AOPEP: variants seen among roughly 807,000 people sequenced by gnomAD.
AOPEP encodes aminopeptidase O.
Under a neutral mutation model 98.1 loss-of-function variants are expected in AOPEP, and 77 were observed. The observed-to-expected ratio is 0.78, with a 90% CI of 0.65 to 0.95. AOPEP has a LOEUF of 0.95. AOPEP is among the 40% of genes least tolerant of loss of function. The pLI, the probability that AOPEP is intolerant of heterozygous loss-of-function variation, is 0.00. For missense variants in AOPEP, 1,024 were observed against 1,024.7 expected, an observed-to-expected ratio of 1.00 and a Z score of 0.01; for synonymous variants, 346 against 365.3, an observed-to-expected ratio of 0.95 and a Z score of 0.60.
intron 10 of AOPEP, among the ~76,000 whole-genome samples, chr9:94,973,483 A>G (rs971616856): frequency 3.3e-5 from 5 of 152,248 alleles, no homozygotes; most frequent in Non-Finnish European, 5.9e-5. Context: ...AACCAGTATC[A>G]TGCCAGGTGG....
the AOPEP span, among the ~76,000 whole-genome samples, chr9:95,104,870 C>T: frequency 6.6e-6 from 1 of 152,156 alleles, no homozygotes. Flanking sequence ...CCCTCCCCAG[C>T]CCCCCATAAG....
intron 5 of AOPEP, among the ~76,000 whole-genome samples, chr9:94,871,571 C>T (rs1304858721): frequency 6.6e-6 from 1 of 152,104 alleles, no homozygotes; most frequent in Non-Finnish European, 1.5e-5. Context: ...GTCAGATTGG[C>T]ATTCCAGCAC....
At chr9:94,734,998 A>G (rs1831396058) in intron 1 of AOPEP, among the ~76,000 whole-genome samples, 1 of 152,194 alleles carries the variant, frequency 6.6e-6, no homozygotes. Flanking sequence ...ATAATACAAG[A>G]GAGCTTTTCA....
chr9:94,748,280 G>A (rs1834965237), intron 1 of AOPEP, among the ~76,000 whole-genome samples: 2 of 152,096 alleles, frequency 1.3e-5, no homozygotes, highest in Non-Finnish European at 2.9e-5. Context: ...ATGTCATTTT[G>A]TAATGGCTAC....
chr9:94,917,154 G>A (rs2052949928), intron 5 of AOPEP, among the ~76,000 whole-genome samples: 1 of 152,192 alleles, frequency 6.6e-6, no homozygotes, highest in Admixed American at 6.5e-5. Context: ...TCCGTATGCA[G>A]GGCTGAGGTC....
chr9:94,853,767 A>G (rs1201967155), intron 5 of AOPEP, among the ~76,000 whole-genome samples: 1 of 152,224 alleles, frequency 6.6e-6, no homozygotes, highest in Admixed American at 6.5e-5. Flanking sequence ...GCTTAGTAAG[A>G]TTAGCTTTGA....
intron 6 of AOPEP, among the ~76,000 whole-genome samples, chr9:94,926,890 C>CA (rs2054431670): frequency 1.3e-5 from 2 of 152,202 alleles, no homozygotes; most frequent in African/African-American, 4.8e-5. Flanking sequence ...ATTTGTGAAT[C>CA]AAGTCAGTCG....
chr9:95,026,809 C>T (rs560114855), intron 13 of AOPEP, among the ~76,000 whole-genome samples: 1 of 152,308 alleles, frequency 6.6e-6, no homozygotes, highest in Non-Finnish European at 1.5e-5. Context: ...TACCTTCCCA[C>T]CAGTGATGAA....
At chr9:95,083,973 A>C (rs3802449) in intron 16 of AOPEP, among the ~76,000 whole-genome samples, 1 of 152,106 alleles carries the variant, frequency 6.6e-6, no homozygotes, top group Non-Finnish European at 1.5e-5. Flanking sequence ...TATTAAAGCA[A>C]CCTAGCGGTA....
At chr9:94,792,081 C>T (rs538290506) in intron 3 of AOPEP, among the ~76,000 whole-genome samples, 1 of 152,350 alleles carries the variant, frequency 6.6e-6, no homozygotes, top group South Asian at 2.1e-4. Flanking sequence ...GGAGCCCCAG[C>T]TCTAATCCTG....
intron 13 of AOPEP, among the ~76,000 whole-genome samples, chr9:95,046,598 C>T (rs2065886676): frequency 6.6e-6 from 1 of 152,114 alleles, no homozygotes; most frequent in African/African-American, 2.4e-5. Context: ...GTGTGCTGTA[C>T]ACGAAGAGAT....
At chr9:94,856,377 C>T (rs1290117807) in intron 5 of AOPEP, among the ~76,000 whole-genome samples, 3 of 152,124 alleles carry the variant, frequency 2.0e-5, no homozygotes, top group Admixed American at 2.0e-4. Context: ...TGCGGTGGCT[C>T]ACGCCTGTAA....
rs1350767504 is a variant in AOPEP, at chr9:94,800,861, T to C, written c.1223T>C (p.Leu408Pro). The change falls in exon 5 of 17, where the codon CTC becomes CCC. Residue 408 changes from leucine to proline, a missense_variant. Transcript: ENST00000375315. ...IPHRVFAPVC[L>P]TGACQETLLR... ...CATCGGGTCTTTGCCCCTGTGTGCCTCACGGGTGCCTGCCAAGAGACCCTT... is the reference window on the plus strand; with the variant it reads ...CATCGGGTCTTTGCCCCTGTGTGCCCCACGGGTGCCTGCCAAGAGACCCTT... The C allele has an allele frequency of 6.2e-7, 1 of 1,614,208 alleles. No individual in the cohort carries two copies. The highest frequency in any genetic ancestry group is 1.7e-5 in the Admixed American group (1 of 60,032).
chr9:94,923,348 A>T (rs960108511), intron 5 of AOPEP, among the ~76,000 whole-genome samples: 3 of 152,060 alleles, frequency 2.0e-5, no homozygotes, highest in African/African-American at 7.3e-5. Flanking sequence ...CTGTCAGCAT[A>T]ATTTTGTTCT....
chr9:94,770,939 CACA>C (rs1306396329), intron 2 of AOPEP, among the ~76,000 whole-genome samples: 1 of 152,206 alleles, frequency 6.6e-6, no homozygotes, highest in Non-Finnish European at 1.5e-5. Context: ...CTGGCTACTT[CACA>C]GAAGTCTTCC....
intron 1 of AOPEP, among the ~76,000 whole-genome samples, chr9:94,733,285 T>G (rs1416634294): frequency 6.6e-6 from 1 of 152,060 alleles, no homozygotes; most frequent in African/African-American, 2.4e-5. Context: ...TTTTTGTATT[T>G]TCTTTAGAGA....
the AOPEP span, among the ~76,000 whole-genome samples, chr9:95,116,692 T>A: frequency 6.6e-6 from 1 of 152,142 alleles, no homozygotes. Context: ...TTCCGAAATG[T>A]CTCCTAAGCG....
chr9:95,005,170 G>T lies in AOPEP; in HGVS notation c.1990G>T (p.Glu664Ter). ...TCTTCCCCCGCAGCCGCTGCAGAGG[G>T]AGCGTCGCGCCGGGGCGGAGTGCGG... ...SSGIPKPLQR[E>*]RRAGAECGLA... Residue 664 changes from glutamate (E) to a stop codon, truncating the protein, a stop_gained, in exon 12 of 17, where the codon GAG becomes TAG. Transcript: ENST00000375315. LOFTEE classifies it high-confidence loss of function. 1 of 1,154,048 alleles carries T rather than the reference G, an allele frequency of 8.7e-7. No individual in the cohort carries two copies. The highest frequency in any genetic ancestry group is 1.1e-6 in the Non-Finnish European group (1 of 933,984). 71.5% of individuals were successfully genotyped at this position (1,154,048 alleles called of 1,614,324 possible).
intron 3 of AOPEP, among the ~76,000 whole-genome samples, chr9:94,791,600 A>ACCCAAGAATCAC (rs1267299088): frequency 6.6e-6 from 1 of 152,060 alleles, no homozygotes; most frequent in African/African-American, 2.4e-5. Flanking sequence ...GACATTGGAT[A>ACCCAAGAATCAC]TTGGGTATAC....
Sources: gnomAD v4.1 joint callset for allele counts (sites outside exome capture counted in the v4.1 genomes callset) on GRCh38, gnomAD v4.1.1 for gene constraint, MANE v1.5 for transcripts, NCBI Gene and HGNC (gene_info 2026-07-23, HGNC 2026-07-21) for gene names.